Variants in EFCAB6 observed in about 807,000 individuals in gnomAD.
EFCAB6 encodes the protein EF-hand calcium-binding domain-containing protein 6.
In EFCAB6, 156 loss-of-function variants were observed where a neutral mutation model predicts 169.8. The ratio of observed to expected loss-of-function variants is 0.92; its 90% confidence interval spans 0.81 to 1.05. EFCAB6 has a LOEUF of 1.05. EFCAB6 is among the 50% of genes least tolerant of loss of function. The pLI is 0.00. For synonymous variants in EFCAB6, 698 were observed against 676.4 expected (o/e 1.03, Z -0.50); for missense variants, 1,800 against 1,829.1 (o/e 0.98, Z 0.29).
chr22:43,771,459 T>A (rs538564829), intron 4 of EFCAB6, among the ~76,000 whole-genome samples: 2 of 152,130 alleles, frequency 1.3e-5, no homozygotes, highest in East Asian at 1.9e-4. Flanking sequence ...TTAATTAATT[T>A]AAAAAAACTA....
At chr22:43,770,912 T>C (rs890781077) in intron 4 of EFCAB6, among the ~76,000 whole-genome samples, 1 of 80,756 alleles carries the variant, frequency 1.2e-5, no homozygotes, top group African/African-American at 4.9e-5. Context: ...CTGTACTTTT[T>C]TTTAATTTTA....
intron 2 of EFCAB6, among the ~76,000 whole-genome samples, chr22:43,789,597 A>G (rs1226698669): frequency 6.6e-6 from 1 of 152,186 alleles, no homozygotes; most frequent in Non-Finnish European, 1.5e-5. Context: ...CTGTGCTCCT[A>G]CTGCAGCAGA....
chr22:43,530,849 C>A lies in EFCAB6; in HGVS notation c.4349G>T (p.Gly1450Val), dbSNP rs201816198. ...ATCTGCGACGCTTAGCAGCCCTGTTCCAGCCTCATCATAGCTTTTGAACGT... is the reference window on the plus strand; with the variant it reads ...ATCTGCGACGCTTAGCAGCCCTGTTACAGCCTCATCATAGCTTTTGAACGT... ...RRTFKSYDEA[G>V]TGLLSVADFR... Residue 1450 changes from glycine (G) to valine (V), a missense_variant, in exon 31 of 32, where the codon GGA becomes GTA. Coordinates refer to ENST00000262726, the MANE Select transcript of EFCAB6 (RefSeq NM_022785.4). 2.6e-4 allele frequency: 421 copies of A among 1,614,136 alleles called. No homozygotes were observed. The East Asian group carries it at 8.6e-3, about 33-fold the overall frequency.
intron 24 of EFCAB6, among the ~76,000 whole-genome samples, 159 bp downstream of exon 24, chr22:43,589,915 G>A (rs1257141994): frequency 2.0e-5 from 3 of 152,186 alleles, no homozygotes; most frequent in African/African-American, 4.8e-5. Context: ...GCTTTGGGTA[G>A]ACTCAAACCC....
chr22:43,781,842 G>C (rs1308698037), intron 3 of EFCAB6, among the ~76,000 whole-genome samples: 1 of 152,058 alleles, frequency 6.6e-6, no homozygotes, highest in East Asian at 1.9e-4. Flanking sequence ...GTGTTTTCTA[G>C]TCAATTTTTC....
chr22:43,646,698 C>A (rs892863263), intron 17 of EFCAB6, among the ~76,000 whole-genome samples: 1 of 152,140 alleles, frequency 6.6e-6, no homozygotes, highest in Non-Finnish European at 1.5e-5. Flanking sequence ...AAAATAAATT[C>A]TCTGATAAAA....
chr22:43,680,955 C>A (rs1405175252), intron 12 of EFCAB6, among the ~76,000 whole-genome samples: 1 of 152,094 alleles, frequency 6.6e-6, no homozygotes, highest in South Asian at 2.1e-4. Flanking sequence ...CCTTTTATTT[C>A]TTTTTCTTTC....
At chr22:43,716,426 A>C (rs1261338590) in intron 9 of EFCAB6, among the ~76,000 whole-genome samples, 2 of 152,158 alleles carry the variant, frequency 1.3e-5, no homozygotes, top group Non-Finnish European at 2.9e-5. Context: ...AAAATATTTT[A>C]TATGTGTAGA....
chr22:43,576,738 G>A (rs1460493459), intron 25 of EFCAB6, among the ~76,000 whole-genome samples: 1 of 152,188 alleles, frequency 6.6e-6, no homozygotes, highest in African/African-American at 2.4e-5. Flanking sequence ...ATGTGAGGAG[G>A]AAGGAGAATA....
At chr22:43,743,862 A>AAGTGGATGGATGGATGGGTGGGTG (rs1465921246) in intron 6 of EFCAB6, among the ~76,000 whole-genome samples, 1 of 152,006 alleles carries the variant, frequency 6.6e-6, no homozygotes, top group Non-Finnish European at 1.5e-5. Flanking sequence ...AATAACTGTT[A>AAGTGGATGGATGGATGGGTGGGTG]AGTGGATGGA....
chr22:43,677,908 A>T (rs1237661033), intron 13 of EFCAB6, 88 bp downstream of exon 13: 2 of 1,331,170 alleles, frequency 1.5e-6, no homozygotes, highest in African/African-American at 3.0e-5. Context: ...ATTTATTTAA[A>T]CCATATTTCA....
In EFCAB6 at chr22:43,540,276, C is replaced by T. The variant is rs755408026; in HGVS notation, c.3730G>A (p.Glu1244Lys). ...YPDFLSRFSSETAATPMATGD... is the reference protein window; with the variant it reads ...YPDFLSRFSSKTAATPMATGD... ...GTGGCCATTGGTGTGGCTGCTGTCT[C>T]GGAACTGAACCTGCTCAGGAAGTCC... The change falls in exon 28 of 32, where the codon GAG becomes AAG. Residue 1244 changes from glutamate to lysine, a missense_variant. Coordinates refer to ENST00000262726, the MANE Select transcript of EFCAB6 (RefSeq NM_022785.4). 49 of 1,614,112 alleles carry T rather than the reference C, an allele frequency of 3.0e-5. No individual in the cohort carries two copies. The South Asian group carries it at 4.5e-4, about 15-fold the overall frequency.
At chr22:43,619,880 C>T (rs185714647) in intron 20 of EFCAB6, among the ~76,000 whole-genome samples, 5 of 152,026 alleles carry the variant, frequency 3.3e-5, no homozygotes, top group Admixed American at 6.6e-5. Flanking sequence ...TAAATTTACA[C>T]ATTTAAGAAG....
In EFCAB6 at chr22:43,722,480, G is replaced by A. The variant is rs2401406; in HGVS notation, c.758-5508C>T. ...CAAGAGGCAGAGGTTGCAGTGAGCCGGGATCGCGCTGCTGCACTCCAGCCT... is the reference window on the plus strand; with the variant it reads ...CAAGAGGCAGAGGTTGCAGTGAGCCAGGATCGCGCTGCTGCACTCCAGCCT... On this transcript the variant is annotated intron_variant, in intron 8 of 31. Coordinates refer to ENST00000262726, the MANE Select transcript of EFCAB6 (RefSeq NM_022785.4). 1.1e-4 allele frequency among the ~76,000 whole-genome samples: 17 copies of A among 151,970 alleles called. 1 individual carries two copies. Among genetic ancestry groups the A allele is most frequent in the African/African-American group, 2.2e-4 (9 of 41,462 alleles).
At chr22:43,538,534 G>A (rs1255925806) in intron 28 of EFCAB6, among the ~76,000 whole-genome samples, 3 of 151,942 alleles carry the variant, frequency 2.0e-5, no homozygotes, top group Admixed American at 6.6e-5. Context: ...GACTACAGGC[G>A]CCCACCACCA....
At chr22:43,703,722 A>C (rs2058847708) in intron 10 of EFCAB6, among the ~76,000 whole-genome samples, 1 of 152,138 alleles carries the variant, frequency 6.6e-6, no homozygotes, top group Admixed American at 6.5e-5. Context: ...AACTGAAAAA[A>C]AAAATGCAAC....
At chr22:43,784,594 T>C (rs1270402858) in intron 2 of EFCAB6, among the ~76,000 whole-genome samples, 2 of 65,456 alleles carry the variant, frequency 3.1e-5, no homozygotes, top group Non-Finnish European at 6.5e-5. Flanking sequence ...TATATATGTA[T>C]ATATACACAT....
intron 17 of EFCAB6, among the ~76,000 whole-genome samples, chr22:43,658,123 G>A (rs951945430): frequency 6.6e-6 from 1 of 152,104 alleles, no homozygotes; most frequent in Non-Finnish European, 1.5e-5. Flanking sequence ...CAGCTATTTG[G>A]GAGGCTGAGG....
At position 43,638,495 on chromosome 22, in the gene EFCAB6, C is replaced by T. The variant is rs184128725; in HGVS notation, c.1984-3279G>A. 3.9e-5 allele frequency among the ~76,000 whole-genome samples: 6 copies of T among 152,244 alleles called. No individual in the cohort carries two copies. The East Asian group carries it at 1.2e-3, about 30-fold the overall frequency. Reference sequence around the variant, plus strand: ...AGGAGGTCACAACATTTCAGGGAACCGTTGCTGGGCCCTCTCTGTGAAGGA... The same window carrying T: ...AGGAGGTCACAACATTTCAGGGAACTGTTGCTGGGCCCTCTCTGTGAAGGA... On this transcript the variant is annotated intron_variant, in intron 17 of 31. Transcript: ENST00000262726.
Sources: allele counts gnomAD v4.1 joint callset (sites outside exome capture counted in the v4.1 genomes callset), GRCh38; gene constraint gnomAD v4.1.1; transcripts MANE v1.5; gene names NCBI Gene and HGNC (gene_info 2026-07-23, HGNC 2026-07-21).